RSRC1: variants seen among roughly 807,000 people sequenced by gnomAD.
The protein encoded by RSRC1 is arginine and serine rich coiled-coil 1.
In RSRC1, 39 loss-of-function variants were observed where a neutral mutation model predicts 49.1. That is an observed-to-expected ratio of 0.79 (90% CI 0.61 to 1.04). The LOEUF is 1.04. Ranked by LOEUF, RSRC1 falls within the 50% of genes least tolerant of loss-of-function variation. RSRC1 has a pLI of 0.00. For missense variants in RSRC1, 388 were observed against 402.4 expected, an observed-to-expected ratio of 0.96 and a Z score of 0.31; for synonymous variants, 143 against 130.8, an observed-to-expected ratio of 1.09 and a Z score of -0.63.
Position 158,297,999 on chromosome 3 carries a change from G to T in RSRC1, c.495-40G>T, listed in dbSNP as rs541881876. On this transcript the variant is annotated intron_variant, in intron 4 of 9. Transcript: ENST00000611884. Reference sequence around the variant, plus strand: ...AGGTAAACAAATTAGAGCAGACAAGGATTTAGCAACTATTTAGAACTTTTA... The same window carrying T: ...AGGTAAACAAATTAGAGCAGACAAGTATTTAGCAACTATTTAGAACTTTTA... 2.1e-6 allele frequency: 3 copies of T among 1,459,134 alleles called. No individual in the cohort carries two copies. In the Admixed American group the frequency reaches 5.1e-5, roughly 25 times the overall value. The allele number at this position is 1,459,134 out of a possible 1,614,324, so 90.4% of individuals were successfully genotyped here. A position where few individuals can be genotyped will look rare whatever the true frequency, so the allele number is the denominator to read the frequency against.
intron 9 of RSRC1, among the ~76,000 whole-genome samples, chr3:158,543,894 ATGT>A (rs1713183090): frequency 1.3e-5 from 2 of 152,166 alleles, no homozygotes; most frequent in Non-Finnish European, 2.9e-5. Flanking sequence ...CTTCCATGAA[ATGT>A]TGTAATTCTG....
At chr3:158,507,768 AC>A (rs762883374) in intron 7 of RSRC1, among the ~76,000 whole-genome samples, 17 of 152,174 alleles carry the variant, frequency 1.1e-4, no homozygotes, top group Non-Finnish European at 1.9e-4. Context: ...CGAATAATGT[AC>A]CAGTTTTTAA....
chr3:158,424,084 C>T, intron 6 of RSRC1, among the ~76,000 whole-genome samples: 1 of 151,934 alleles, frequency 6.6e-6, no homozygotes, highest in Admixed American at 6.6e-5. Context: ...TGCCTAATTG[C>T]CCTGGCCAGA....
chr3:158,430,696 A>C, intron 6 of RSRC1, among the ~76,000 whole-genome samples: 1 of 151,950 alleles, frequency 6.6e-6, no homozygotes, highest in East Asian at 1.9e-4. Context: ...CAAACTACAA[A>C]TAAACTCTTT....
chr3:158,399,026 A>AGAGGGTCT (rs2108304938), intron 6 of RSRC1, among the ~76,000 whole-genome samples: 1 of 151,786 alleles, frequency 6.6e-6, no homozygotes, highest in Non-Finnish European at 1.5e-5. Flanking sequence ...TGAACCCAGA[A>AGAGGGTCT]GAGGGTCTGA....
chr3:158,195,885 G>A (rs1430773925), intron 3 of RSRC1, among the ~76,000 whole-genome samples: 1 of 152,030 alleles, frequency 6.6e-6, no homozygotes, highest in Non-Finnish European at 1.5e-5. Flanking sequence ...GTACCATGCT[G>A]TTCTGGTTAC....
At chr3:158,172,682 A>G (rs1718944544) in intron 3 of RSRC1, among the ~76,000 whole-genome samples, 1 of 152,188 alleles carries the variant, frequency 6.6e-6, no homozygotes, top group African/African-American at 2.4e-5. Flanking sequence ...CTAAAATTAA[A>G]CATGGCTATT....
chr3:158,267,858 C>CTTTTTTTT lies in RSRC1; in HGVS notation c.495-30180_495-30179insTTTTTTTT, dbSNP rs377128391. On this transcript the variant is annotated intron_variant, in intron 4 of 9. Transcript: ENST00000611884. ...TTTCTTATGCTGTTTGTTTCCATAT[C>CTTTTTTTT]TATTTTTTTTTTTTTTTTTTGGCTT... Among the ~76,000 whole-genome samples, 41 of 91,182 alleles carry CTTTTTTTT rather than the reference C, an allele frequency of 4.5e-4. 1 individual carries two copies. Among genetic ancestry groups the CTTTTTTTT allele is most frequent in the African/African-American group, 7.5e-4 (19 of 25,254 alleles). The allele number at this position is 91,182 out of a possible 152,430, so 59.8% of individuals were successfully genotyped here.
At chr3:158,494,542 G>A (rs539024491) in intron 7 of RSRC1, among the ~76,000 whole-genome samples, 1 of 152,024 alleles carries the variant, frequency 6.6e-6, no homozygotes, top group Non-Finnish European at 1.5e-5. Context: ...TTAGCTTACT[G>A]TAACTTTTTT....
intron 6 of RSRC1, among the ~76,000 whole-genome samples, chr3:158,453,224 AACTCTT>A: frequency 1.3e-5 from 2 of 151,450 alleles, no homozygotes; most frequent in African/African-American, 2.4e-5. Flanking sequence ...CACATTTTCA[AACTCTT>A]GTGCACACAT....
intron 4 of RSRC1, among the ~76,000 whole-genome samples, chr3:158,208,880 G>A (rs1721498958): frequency 1.3e-5 from 2 of 152,252 alleles, no homozygotes; most frequent in African/African-American, 4.8e-5. Flanking sequence ...TCCTATCTAA[G>A]TCTTCTGTGG....
chr3:158,515,399 T>G (rs533135557), intron 7 of RSRC1, among the ~76,000 whole-genome samples: 25 of 129,118 alleles, frequency 1.9e-4, no homozygotes, highest in African/African-American at 7.5e-4. Context: ...TTGAAAATTC[T>G]TTTCTTTAAG....
At chr3:158,320,440 C>T (rs959434118) in intron 5 of RSRC1, among the ~76,000 whole-genome samples, 1 of 152,060 alleles carries the variant, frequency 6.6e-6, no homozygotes, top group African/African-American at 2.4e-5. Context: ...ATTTTATCTA[C>T]ACATTGTAGG....
intron 5 of RSRC1, among the ~76,000 whole-genome samples, chr3:158,337,633 T>C (rs1342522258): frequency 6.6e-6 from 1 of 152,162 alleles, no homozygotes; most frequent in Non-Finnish European, 1.5e-5. Context: ...TCCTAACATA[T>C]TGTTAGCACT....
At chr3:158,521,199 C>A (rs1213340076) in intron 7 of RSRC1, among the ~76,000 whole-genome samples, 4 of 152,104 alleles carry the variant, frequency 2.6e-5, no homozygotes, top group African/African-American at 4.8e-5. Flanking sequence ...TAATAGATTG[C>A]TTAGAAATTA....
chr3:158,375,048 C>T (rs980528463), intron 6 of RSRC1, among the ~76,000 whole-genome samples: 1 of 151,732 alleles, frequency 6.6e-6, no homozygotes, highest in African/African-American at 2.4e-5. Flanking sequence ...GTTACTAAGG[C>T]CTTGGAATTT....
chr3:158,473,953 A>G (rs1738256925), intron 7 of RSRC1, among the ~76,000 whole-genome samples: 1 of 152,160 alleles, frequency 6.6e-6, no homozygotes, highest in African/African-American at 2.4e-5. Flanking sequence ...GGATATTATT[A>G]TCTATTAAGT....
In RSRC1 at chr3:158,537,199, G is replaced by T. The variant is rs141062407; in HGVS notation, c.759+1G>T. 7.7e-6 allele frequency: 12 copies of T among 1,562,450 alleles called. No individual in the cohort carries two copies. The highest frequency in any genetic ancestry group is 1.0e-5 in the Non-Finnish European group (12 of 1,154,340). The stretch of plus-strand genomic sequence containing the variant: ...CAGATCAAGTAAAGAAGTCAAAAAG[G>T]TAAGTTTTTATCCACCCATTATGAG... On this transcript the variant is annotated splice_donor_variant, in intron 8 of 9. Transcript: ENST00000611884. LOFTEE classifies it high-confidence loss of function.
At chr3:158,283,742 G>A (rs535619875) in intron 4 of RSRC1, among the ~76,000 whole-genome samples, 18 of 152,228 alleles carry the variant, frequency 1.2e-4, no homozygotes, top group South Asian at 4.2e-4. Context: ...AAGGCTTTAC[G>A]TGTATTGTTG....
Sources: gnomAD v4.1 joint callset for allele counts (sites outside exome capture counted in the v4.1 genomes callset) on GRCh38, gnomAD v4.1.1 for gene constraint, MANE v1.5 for transcripts, NCBI Gene and HGNC (gene_info 2026-07-23, HGNC 2026-07-21) for gene names.